ADAMTS6: variants seen among roughly 807,000 people sequenced by gnomAD.
The protein encoded by ADAMTS6 is A disintegrin and metalloproteinase with thrombospondin motifs 6.
In ADAMTS6, 23 loss-of-function variants were observed where a neutral mutation model predicts 144.3. The ratio of observed to expected loss-of-function variants is 0.16; its 90% CI spans 0.11 to 0.23. The LOEUF (loss-of-function observed/expected upper bound fraction) is 0.23, where lower values mean the gene tolerates loss of function less well. ADAMTS6 is among the 10% of genes least tolerant of loss of function. The probability of loss-of-function intolerance (pLI) is 1.00; values close to 1 mark genes in which losing one functional copy is unlikely to be tolerated. For missense variants in ADAMTS6, 999 were observed against 1,379.6 expected (o/e 0.72, Z 4.37); for synonymous variants, 444 against 457.5 (o/e 0.97, Z 0.38).
At chr5:65,429,109 T>G (rs986797319) in intron 7 of ADAMTS6, among the ~76,000 whole-genome samples, 3 of 152,024 alleles carry the variant, frequency 2.0e-5, no homozygotes, top group African/African-American at 7.2e-5. Context: ...CCTTCTCTAC[T>G]GAAGCAGGTC....
chr5:65,427,065 T>C (rs1049569055), intron 7 of ADAMTS6, among the ~76,000 whole-genome samples: 1 of 152,058 alleles, frequency 6.6e-6, no homozygotes, highest in African/African-American at 2.4e-5. Context: ...GAGGCATGCC[T>C]ATGATAAATA....
At chr5:65,311,380 TA>T (rs1455410625) in intron 9 of ADAMTS6, among the ~76,000 whole-genome samples, 1 of 152,144 alleles carries the variant, frequency 6.6e-6, no homozygotes, top group Non-Finnish European at 1.5e-5. Context: ...CCATAAAGGT[TA>T]TTCATTAAAT....
chr5:65,481,236 C>G (rs1364205711), intron 1 of ADAMTS6, 107 bp downstream of exon 1: 2 of 128,594 alleles, frequency 1.6e-5, no homozygotes, highest in Non-Finnish European at 3.3e-5. Flanking sequence ...AAAAAAAACA[C>G]ACACACAGAA....
chr5:65,225,000 T>C lies in ADAMTS6; in HGVS notation c.2115A>G (p.Arg705=). 6.2e-7 allele frequency: 1 copy of C among 1,614,108 alleles called. No homozygotes were observed. Among genetic ancestry groups the C allele is most frequent in the Non-Finnish European group, 8.5e-7 (1 of 1,180,008 alleles). Residue 705 remains arginine, a synonymous_variant, in exon 17 of 25, where the codon AGA becomes AGG. Transcript: ENST00000381055. ...TTCCGTCCCCTCCACAGACTCGACA[T>C]CTATCTTCCCTAGCATCAGATCCCA... is the stretch of plus-strand genomic sequence containing the variant. ...NILGSDARED[R]CRVCGGDGST... is the part of the protein sequence containing the mutation.
intron 7 of ADAMTS6, among the ~76,000 whole-genome samples, chr5:65,410,437 C>T (rs947089122): frequency 6.6e-6 from 1 of 152,090 alleles, no homozygotes; most frequent in African/African-American, 2.4e-5. Context: ...TAACATACAG[C>T]TTGATGTTTT....
chr5:65,410,210 C>G (rs1754931759), intron 7 of ADAMTS6, among the ~76,000 whole-genome samples: 1 of 152,166 alleles, frequency 6.6e-6, no homozygotes, highest in Non-Finnish European at 1.5e-5. Context: ...CCAGAACTTG[C>G]AGATAACCAA....
chr5:65,329,641 G>A (rs1746520603), intron 8 of ADAMTS6, among the ~76,000 whole-genome samples, 158 bp from the exon 9 acceptor site: 1 of 152,094 alleles, frequency 6.6e-6, no homozygotes, highest in Non-Finnish European at 1.5e-5. Flanking sequence ...AATCACTGGG[G>A]GGAATTTCAC....
At chr5:65,343,088 CAGA>C (rs80114807) in intron 7 of ADAMTS6, among the ~76,000 whole-genome samples, 5,456 of 152,018 alleles carry the variant, frequency 0.036, 167 homozygotes, top group African/African-American at 0.083. Context: ...GGTTATGAAT[CAGA>C]AGAATTAATA....
In ADAMTS6 at chr5:65,388,631, C is replaced by G. The variant is rs201304395; in HGVS notation, c.1074-54546G>C. On this transcript the variant is annotated intron_variant, in intron 7 of 24. Coordinates refer to ENST00000381055, the MANE Select transcript of ADAMTS6 (RefSeq NM_197941.4). ...TCATCCTAGGAGTCTATAAAATCTT[C>G]CTTTTGATAATTTCTTATTTCATTT... 7.2e-5 allele frequency among the ~76,000 whole-genome samples: 11 copies of G among 152,282 alleles called. No individual in the cohort carries two copies. In the East Asian group the frequency reaches 1.2e-3, roughly 16 times the overall value.
chr5:65,289,611 T>C (rs1290734647), intron 11 of ADAMTS6, among the ~76,000 whole-genome samples: 1 of 152,164 alleles, frequency 6.6e-6, no homozygotes, highest in Non-Finnish European at 1.5e-5. Flanking sequence ...TCAAATCAAT[T>C]AGTCTGAACT....
intron 7 of ADAMTS6, among the ~76,000 whole-genome samples, chr5:65,408,513 C>T (rs1478547173): frequency 6.6e-6 from 1 of 152,088 alleles, no homozygotes; most frequent in Non-Finnish European, 1.5e-5. Flanking sequence ...TCCTTAGAGC[C>T]ATACAAAGAG....
chr5:65,335,780 T>C (rs1182343223), intron 7 of ADAMTS6, among the ~76,000 whole-genome samples: 1 of 152,160 alleles, frequency 6.6e-6, no homozygotes, highest in Non-Finnish European at 1.5e-5. Flanking sequence ...AGTTACATTA[T>C]GCAATCAGTA....
intron 12 of ADAMTS6, among the ~76,000 whole-genome samples, chr5:65,263,468 T>C (rs1432322476): frequency 2.7e-5 from 4 of 149,278 alleles, no homozygotes; most frequent in Non-Finnish European, 5.9e-5. Flanking sequence ...GAATGTGTTG[T>C]GGCATTTCAT....
chr5:65,327,194 A>G (rs1468828390), intron 9 of ADAMTS6, among the ~76,000 whole-genome samples: 1 of 151,992 alleles, frequency 6.6e-6, no homozygotes, highest in Non-Finnish European at 1.5e-5. Context: ...TTTGCCTTCC[A>G]CCACAAGTGG....
intron 22 of ADAMTS6, among the ~76,000 whole-genome samples, chr5:65,180,925 T>C (rs1290892256): frequency 6.6e-6 from 1 of 152,210 alleles, no homozygotes; most frequent in Non-Finnish European, 1.5e-5. Flanking sequence ...CTACTACTAC[T>C]ACTGCCACTA....
At chr5:65,283,317 G>A (rs1043143052) in intron 11 of ADAMTS6, among the ~76,000 whole-genome samples, 8 of 151,768 alleles carry the variant, frequency 5.3e-5, no homozygotes, top group South Asian at 2.1e-4. Context: ...GTTATGTTAC[G>A]GGTAATGGGA....
At position 65,291,592 on chromosome 5, in the gene ADAMTS6, CAATA is replaced by C. The variant is rs529579128; in HGVS notation, c.1371-126_1371-123del. Reference sequence around the variant, plus strand: ...ACGCATGAAAAACAATACATTCTCCCAATAAATAATCACATGGCAGAACAGAATA... The same window carrying C: ...ACGCATGAAAAACAATACATTCTCCCAATAATCACATGGCAGAACAGAATA... On this transcript the variant is annotated intron_variant, in intron 10 of 24. Coordinates refer to ENST00000381055, the MANE Select transcript of ADAMTS6 (RefSeq NM_197941.4). 125 of 1,032,622 alleles carry C rather than the reference CAATA, an allele frequency of 1.2e-4. No individual in the cohort carries two copies. The South Asian group carries it at 2.9e-3, about 24-fold the overall frequency. 64.0% of individuals were successfully genotyped at this position (1,032,622 alleles called of 1,614,324 possible).
At chr5:65,285,098 A>C (rs1048972542) in intron 11 of ADAMTS6, among the ~76,000 whole-genome samples, 16 of 152,146 alleles carry the variant, frequency 1.1e-4, no homozygotes, top group African/African-American at 3.6e-4. Context: ...AAAAGCCTTT[A>C]ATTTTCTAAC....
At chr5:65,279,621 T>C (rs1316937470) in intron 11 of ADAMTS6, among the ~76,000 whole-genome samples, 2 of 152,210 alleles carry the variant, frequency 1.3e-5, no homozygotes, top group Non-Finnish European at 2.9e-5. Flanking sequence ...CTGGGCTTCA[T>C]TACTATATCT....
Sources: allele counts gnomAD v4.1 joint callset (sites outside exome capture counted in the v4.1 genomes callset), GRCh38; gene constraint gnomAD v4.1.1; transcripts MANE v1.5; gene names NCBI Gene and HGNC (gene_info 2026-07-23, HGNC 2026-07-21).